ZNF417: variants seen among roughly 807,000 people sequenced by gnomAD.
The protein encoded by ZNF417 is zinc finger protein 417.
ZNF417 carries 5 observed loss-of-function variants against 7.4 expected under a neutral mutation model. That is an observed-to-expected ratio of 0.68 (90% CI 0.35 to 1.43). The LOEUF is 1.43. Ranked by LOEUF, ZNF417 falls within the 40% of genes most tolerant of loss-of-function variation. ZNF417 has a pLI of 0.04. For missense variants in ZNF417, 437 were observed against 697.3 expected (o/e 0.63, Z 4.20); for synonymous variants, 147 against 239.1 (o/e 0.61, Z 3.55).
rs2071830491 is a variant in ZNF417 at position 57,906,579 on chromosome 19, A to C, written c.*1971T>G. Among the ~76,000 whole-genome samples the C allele has an allele frequency of 6.6e-6, 1 of 151,294 alleles. No homozygotes were observed. The highest frequency in any genetic ancestry group is 1.5e-5 in the Non-Finnish European group (1 of 67,880). On this transcript the variant is annotated 3_prime_UTR_variant, in exon 3 of 3. Transcript: ENST00000312026. ...AGTTTGAGACCAGCCTGGCTAACGTAGTGAAAGCCCATCTCTACTAAAAAT... is the reference window on the plus strand; with the variant it reads ...AGTTTGAGACCAGCCTGGCTAACGTCGTGAAAGCCCATCTCTACTAAAAAT...
rs1228113119 is a variant in ZNF417, at chr19:57,906,539, G to A, written c.*2011C>T. Among the ~76,000 whole-genome samples, 1 of 151,746 alleles carries A rather than the reference G, an allele frequency of 6.6e-6. No homozygotes were observed. Among genetic ancestry groups the A allele is most frequent in the Non-Finnish European group, 1.5e-5 (1 of 67,984 alleles). On this transcript the variant is annotated 3_prime_UTR_variant, in exon 3 of 3. Transcript: ENST00000312026. ...GCACTTTAGGAGGCTGAGGGGGGTG[G>A]ATCATGAGGTCACAAGTTTGAGACC...
At chr19:57,911,558 C>T (rs1369240988) in intron 2 of ZNF417, among the ~76,000 whole-genome samples, 4 of 152,174 alleles carry the variant, frequency 2.6e-5, no homozygotes, top group African/African-American at 9.7e-5. Context: ...CAGAGATGAA[C>T]AGCCAACACT....
Position 57,908,210 on chromosome 19 carries a change from G to C in ZNF417, c.*340C>G. ...GGGGACACTTATGATTCCACATGAA[G>C]TGGATAACCAGCTCATAGCTCTTGT... is the stretch of plus-strand genomic sequence containing the variant. On this transcript the variant is annotated 3_prime_UTR_variant, in exon 3 of 3. Coordinates refer to ENST00000312026, the MANE Select transcript of ZNF417 (RefSeq NM_152475.3). 1 of 353,958 alleles carries C rather than the reference G, an allele frequency of 2.8e-6. No homozygotes were observed. The highest frequency in any genetic ancestry group is 3.3e-5 in the South Asian group (1 of 30,218). 21.9% of individuals were successfully genotyped at this position (353,958 alleles called of 1,614,324 possible). A position where few individuals can be genotyped will look rare whatever the true frequency, so the allele number is the denominator to read the frequency against.
At chr19:57,914,366 A>G (rs2071925777) in intron 1 of ZNF417, among the ~76,000 whole-genome samples, 1 of 151,450 alleles carries the variant, frequency 6.6e-6, no homozygotes, top group South Asian at 2.1e-4. Context: ...AGCACCTGTA[A>G]TCCCAGCTAC....
At position 57,906,578 on chromosome 19, in the gene ZNF417, T is replaced by C. The variant is rs1389075458; in HGVS notation, c.*1972A>G. On this transcript the variant is annotated 3_prime_UTR_variant, in exon 3 of 3. Transcript: ENST00000312026. ...AAGTTTGAGACCAGCCTGGCTAACG[T>C]AGTGAAAGCCCATCTCTACTAAAAA... Among the ~76,000 whole-genome samples the C allele has an allele frequency of 6.6e-6, 1 of 151,054 alleles. No individual in the cohort carries two copies. Among genetic ancestry groups the C allele is most frequent in the Non-Finnish European group, 1.5e-5 (1 of 67,828 alleles).
Position 57,908,564 on chromosome 19 carries a change from T to A in ZNF417, c.1714A>T (p.Arg572Ter), listed in dbSNP as rs375074890. Reference protein sequence around the residue: ...TLLHHQSSHRRKAL With the variant: ...TLLHHQSSHR ...ATTCACTGCACTCATAAGGCCTTTC[T>A]CCTGTGTGAACTCTGATGATGAAGG... Residue 572 changes from arginine (R) to a stop codon, truncating the protein, a stop_gained, in exon 3 of 3, where the codon AGA becomes TGA. Transcript: ENST00000312026. LOFTEE classifies it high-confidence loss of function. The A allele has an allele frequency of 5.8e-5, 94 of 1,614,082 alleles. No homozygotes were observed. Among genetic ancestry groups the A allele is most frequent in the Non-Finnish European group, 5.9e-6 (7 of 1,180,028 alleles).
rs117176080 is a variant in ZNF417 at position 57,907,991 on chromosome 19, T to A, written c.*559A>T. The A allele has an allele frequency of 0.054, 8,678 of 161,664 alleles. 335 individuals carry two copies. The highest frequency in any genetic ancestry group is 0.077 in the Middle Eastern group (23 of 300). 10.0% of individuals were successfully genotyped at this position (161,664 alleles called of 1,614,324 possible). A position where few individuals can be genotyped will look rare whatever the true frequency, so the allele number is the denominator to read the frequency against. Reference sequence around the variant, plus strand: ...CTGAGGTAATTGGAGCTCATGGCTATCCCAGAACTTGGATAACATAAAGTT... The same window carrying A: ...CTGAGGTAATTGGAGCTCATGGCTAACCCAGAACTTGGATAACATAAAGTT... On this transcript the variant is annotated 3_prime_UTR_variant, in exon 3 of 3. Coordinates refer to ENST00000312026, the MANE Select transcript of ZNF417 (RefSeq NM_152475.3).
chr19:57,916,510 G>A lies in ZNF417; in HGVS notation c.-99C>T. ...GAGGACGATTCCTCTCCACCTTCTA[G>A]GTTCAGTCACCGCGGTCCCCCCCCA... On this transcript the variant is annotated 5_prime_UTR_variant, in exon 1 of 3. Transcript: ENST00000312026. 3 of 1,598,406 alleles carry A rather than the reference G, an allele frequency of 1.9e-6. No individual in the cohort carries two copies. Among genetic ancestry groups the A allele is most frequent in the Non-Finnish European group, 2.6e-6 (3 of 1,172,572 alleles).
intron 1 of ZNF417, chr19:57,915,695 T>C: frequency 2.5e-6 from 1 of 398,318 alleles, no homozygotes; most frequent in Non-Finnish European, 4.4e-6. Context: ...AGCCCTTTCC[T>C]GAAAAGACCC....
intron 1 of ZNF417, 33 bp from the exon 2 acceptor site, chr19:57,912,222 C>T (rs771469664): frequency 2.7e-5 from 43 of 1,612,162 alleles, no homozygotes; most frequent in Non-Finnish European, 3.6e-5. Context: ...CACAAACAGC[C>T]CCTCTGCTGA....
rs1428529106 is a variant in ZNF417, at chr19:57,906,677, C to G, written c.*1873G>C. 2.2e-5 allele frequency among the ~76,000 whole-genome samples: 3 copies of G among 133,426 alleles called. No individual in the cohort carries two copies. Among genetic ancestry groups the G allele is most frequent in the Admixed American group, 8.0e-5 (1 of 12,496 alleles). 87.5% of individuals were successfully genotyped at this position (133,426 alleles called of 152,430 possible). The stretch of plus-strand genomic sequence containing the variant: ...TTGGGAGGCTGAGGCAAGAGAATCA[C>G]TTGAACCTGGGAGGCGGAGGTTGCA... On this transcript the variant is annotated 3_prime_UTR_variant, in exon 3 of 3. Coordinates refer to ENST00000312026, the MANE Select transcript of ZNF417 (RefSeq NM_152475.3).
intron 1 of ZNF417, 123 bp downstream of exon 1, chr19:57,916,256 A>G (rs2071946749): frequency 1.1e-5 from 18 of 1,569,102 alleles, no homozygotes; most frequent in Non-Finnish European, 1.5e-5. Flanking sequence ...CCCTCCTGCG[A>G]GCGCCTCAGT....
Position 57,907,309 on chromosome 19 carries a change from C to T in ZNF417, c.*1241G>A, listed in dbSNP as rs974255788. The T allele has an allele frequency of 6.6e-6, 1 of 152,480 alleles. No individual in the cohort carries two copies. Among genetic ancestry groups the T allele is most frequent in the Non-Finnish European group, 1.5e-5 (1 of 68,182 alleles). 9.4% of individuals were successfully genotyped at this position (152,480 alleles called of 1,614,324 possible). On this transcript the variant is annotated 3_prime_UTR_variant, in exon 3 of 3. Coordinates refer to ENST00000312026, the MANE Select transcript of ZNF417 (RefSeq NM_152475.3). ...ACAGATATTCCATTTGCAAATTATG[C>T]TCCCCAAAAAACACAAACACATATG...
In ZNF417 at chr19:57,908,756, G is replaced by A; in HGVS notation, c.1522C>T (p.His508Tyr). Residue 508 changes from histidine (H) to tyrosine (Y), a missense_variant, in exon 3 of 3, where the codon CAT becomes TAT. By Grantham distance (83) the His-to-Tyr change is moderately conservative. Transcript: ENST00000312026. Reference sequence around the variant, plus strand: ...CCAGAATGAACTCTTTTATGAACATGAAGCGCAGAGCTGGAAAGAAATGAT... The same window carrying A: ...CCAGAATGAACTCTTTTATGAACATAAAGCGCAGAGCTGGAAAGAAATGAT... ...GKSFLSSSALHVHKRVHSGQK... is the reference protein window; with the variant it reads ...GKSFLSSSALYVHKRVHSGQK... 1.9e-6 allele frequency: 3 copies of A among 1,613,584 alleles called. No individual in the cohort carries two copies. Among genetic ancestry groups the A allele is most frequent in the Non-Finnish European group, 2.5e-6 (3 of 1,179,634 alleles).
intron 2 of ZNF417, among the ~76,000 whole-genome samples, chr19:57,911,409 T>C (rs935548525): frequency 6.6e-6 from 1 of 152,202 alleles, no homozygotes; most frequent in African/African-American, 2.4e-5. Context: ...TCCCCCAGCA[T>C]GGCACTCCTG....
chr19:57,907,761 T>C lies in ZNF417; in HGVS notation c.*789A>G, dbSNP rs890246102. 1 of 154,702 alleles carries C rather than the reference T, an allele frequency of 6.5e-6. No individual in the cohort carries two copies. Among genetic ancestry groups the C allele is most frequent in the African/African-American group, 2.4e-5 (1 of 41,536 alleles). The allele number at this position is 154,702 out of a possible 1,614,324, so 9.6% of individuals were successfully genotyped here. On this transcript the variant is annotated 3_prime_UTR_variant, in exon 3 of 3. Coordinates refer to ENST00000312026, the MANE Select transcript of ZNF417 (RefSeq NM_152475.3). Reference sequence around the variant, plus strand: ...TCTGGATTCCATAATCTCACCTTGCTGGCAAGAAACTACCATTTCAGCAGA... The same window carrying C: ...TCTGGATTCCATAATCTCACCTTGCCGGCAAGAAACTACCATTTCAGCAGA...
chr19:57,916,353 G>T (rs751114271), intron 1 of ZNF417, 26 bp downstream of exon 1: 1 of 1,614,066 alleles, frequency 6.2e-7, no homozygotes, highest in African/African-American at 1.3e-5. Context: ...GGGGTGACCT[G>T]AGGGCACAGA....
intron 1 of ZNF417, chr19:57,915,628 A>C (rs1244900438): frequency 1.1e-5 from 4 of 362,980 alleles, no homozygotes; most frequent in Non-Finnish European, 2.0e-5. Context: ...GTATAGGCTG[A>C]ATTAACTTAG....
rs1408100734 is a variant in ZNF417 at position 57,906,189 on chromosome 19, A to G, written c.*2361T>C. 1.3e-5 allele frequency among the ~76,000 whole-genome samples: 2 copies of G among 152,234 alleles called. No homozygotes were observed. Among genetic ancestry groups the G allele is most frequent in the Non-Finnish European group, 2.9e-5 (2 of 68,048 alleles). On this transcript the variant is annotated 3_prime_UTR_variant, in exon 3 of 3. Coordinates refer to ENST00000312026, the MANE Select transcript of ZNF417 (RefSeq NM_152475.3). ...TGTATGGTCATAATTTGTTTGAACGAGCCCTTTTAAACTTCTAGATATCAT... is the reference window on the plus strand; with the variant it reads ...TGTATGGTCATAATTTGTTTGAACGGGCCCTTTTAAACTTCTAGATATCAT...
Sources: allele counts gnomAD v4.1 joint callset (sites outside exome capture counted in the v4.1 genomes callset), GRCh38; gene constraint gnomAD v4.1.1; transcripts MANE v1.5; gene names NCBI Gene and HGNC (gene_info 2026-07-23, HGNC 2026-07-21).